The following DENND4A variants were observed in gnomAD, a reference collection of about 807,000 sequenced individuals.
DENND4A encodes DENN domain containing 4A, also known as C-myc promoter-binding protein.
DENND4A carries 70 observed loss-of-function variants against 199.3 expected under a neutral mutation model. That is an observed-to-expected ratio of 0.35 (90% CI 0.29 to 0.43). The LOEUF is 0.43. Ranked by LOEUF, DENND4A falls within the 20% of genes least tolerant of loss-of-function variation. DENND4A has a pLI of 1.00. For missense variants in DENND4A, 1,723 were observed against 2,255.8 expected, an observed-to-expected ratio of 0.76 and a Z score of 4.78; for synonymous variants, 686 against 766.9, an observed-to-expected ratio of 0.89 and a Z score of 1.74.
intron 1 of DENND4A, among the ~76,000 whole-genome samples, chr15:65,779,553 A>G (rs530674891): frequency 2.6e-5 from 4 of 152,208 alleles, no homozygotes; most frequent in African/African-American, 9.6e-5. Context: ...TGTGTGGCAC[A>G]ATCATAGCTC....
chr15:65,665,961 T>G (rs559402501), intron 29 of DENND4A, among the ~76,000 whole-genome samples: 73 of 152,282 alleles, frequency 4.8e-4, no homozygotes, highest in Non-Finnish European at 1.5e-4. Flanking sequence ...AAAGACACTT[T>G]TATAAAACAA....
At chr15:65,771,692 CCAAAAAATATATTAAA>C in intron 1 of DENND4A, 1 of 1,610,614 alleles carries the variant, frequency 6.2e-7, no homozygotes, top group Middle Eastern at 1.6e-4. Flanking sequence ...AAATCCACCC[CCAAAAAATATATTAAA>C]CAAGTCTTCT....
chr15:65,680,892 G>C (rs897864153), intron 23 of DENND4A: 3 of 152,206 alleles, frequency 2.0e-5, no homozygotes, highest in African/African-American at 7.2e-5. Context: ...ACAATTATGT[G>C]AACCTTCAGC....
intron 14 of DENND4A, among the ~76,000 whole-genome samples, chr15:65,706,487 CACACACACAT>C (rs780079544): frequency 0.029 from 2,627 of 92,168 alleles, 60 homozygotes; most frequent in African/African-American, 0.07. Context: ...CACACACACA[CACACACACAT>C]ATATATATAT....
rs201852758 is a variant in DENND4A, at chr15:65,669,867, T to G, written c.4699A>C (p.Ser1567Arg). The G allele has an allele frequency of 2.5e-6, 4 of 1,613,914 alleles. No individual in the cohort carries two copies. In the South Asian group the frequency reaches 3.3e-5, roughly 13 times the overall value. Residue 1567 changes from serine (S) to arginine (R), a missense_variant, in exon 27 of 33, where the codon AGT becomes CGT. Physicochemically the swap from Ser to Arg is moderately radical, Grantham distance 110. Transcript: ENST00000443035. ...ENMHFPSSIS[S>R]QTRQSCISTS... ...GAAATGCAAGACTGCCTCGTCTGAC[T>G]TGAAATGGAGGATGGAAAGTGCATA... is the stretch of plus-strand genomic sequence containing the variant.
At chr15:65,688,042 C>T (rs995762937) in intron 23 of DENND4A, among the ~76,000 whole-genome samples, 12 of 151,920 alleles carry the variant, frequency 7.9e-5, no homozygotes, top group Non-Finnish European at 1.5e-4. Flanking sequence ...TTCATTTGTT[C>T]CTTTTGATAT....
chr15:65,749,554 A>G (rs1156516677), intron 4 of DENND4A, among the ~76,000 whole-genome samples: 1 of 152,080 alleles, frequency 6.6e-6, no homozygotes, highest in Admixed American at 6.6e-5. Context: ...GAGGATAATA[A>G]ATAAATTGTG....
intron 7 of DENND4A, among the ~76,000 whole-genome samples, chr15:65,737,033 C>A (rs2076138401): frequency 6.6e-6 from 1 of 152,156 alleles, no homozygotes; most frequent in African/African-American, 2.4e-5. Flanking sequence ...TCTAATTTCT[C>A]CTTTACATTC....
chr15:65,722,900 T>C lies in DENND4A; in HGVS notation c.1536A>G (p.Pro512=). Residue 512 remains proline, a synonymous_variant, in exon 12 of 33, where the codon CCA becomes CCG. Transcript: ENST00000443035. ...NVAWKILPKK[P]CKNLMNTLNN... ...TCAGTGTGTTCATCAGATTTTTACA[T>C]GGCTTCTTTGGAAGTATCTTCCAGG... The C allele has an allele frequency of 5.0e-6, 8 of 1,610,354 alleles. No homozygotes were observed. Among genetic ancestry groups the C allele is most frequent in the East Asian group, 2.2e-5 (1 of 44,628 alleles).
At position 65,671,295 on chromosome 15, in the gene DENND4A, A is replaced by G. The variant is rs149002063; in HGVS notation, c.4464+497T>C. Among the ~76,000 whole-genome samples the G allele has an allele frequency of 4.3e-4, 66 of 152,380 alleles. No homozygotes were observed. In the East Asian group the frequency reaches 0.012, roughly 28 times the overall value. ...ATAGAAATAAGTTAGTATGACTTCAATAATCTGAAATACTGGATATCCAAA... is the reference window on the plus strand; with the variant it reads ...ATAGAAATAAGTTAGTATGACTTCAGTAATCTGAAATACTGGATATCCAAA... On this transcript the variant is annotated intron_variant, in intron 25 of 32. Transcript: ENST00000443035.
At chr15:65,774,850 C>T (rs28522606) in intron 1 of DENND4A, among the ~76,000 whole-genome samples, 28,705 of 143,810 alleles carry the variant, frequency 0.2, 3,821 homozygotes, top group East Asian at 0.74. Flanking sequence ...GGATACTTAA[C>T]AGTTTTACAA....
At chr15:65,701,956 A>T in intron 17 of DENND4A, 66 bp from the exon 18 acceptor site, 1 of 1,596,514 alleles carries the variant, frequency 6.3e-7, no homozygotes. Flanking sequence ...CTAGAATAAA[A>T]TAATGCATTT....
intron 1 of DENND4A, among the ~76,000 whole-genome samples, chr15:65,779,462 A>G (rs74643099): frequency 0.11 from 16,772 of 151,006 alleles, 1,442 homozygotes; most frequent in African/African-American, 0.24. Context: ...AAAAAAAAAA[A>G]AGAGAAGGAA....
intron 10 of DENND4A, 104 bp downstream of exon 10, chr15:65,729,430 T>C: frequency 1.4e-6 from 2 of 1,458,724 alleles, no homozygotes; most frequent in South Asian, 1.3e-5. Flanking sequence ...CACAAATTCA[T>C]TACTCTCTGA....
At chr15:65,787,910 T>TG (rs1204527549) in intron 1 of DENND4A, among the ~76,000 whole-genome samples, 1 of 151,996 alleles carries the variant, frequency 6.6e-6, no homozygotes, top group African/African-American at 2.4e-5. Context: ...TACTGACTGA[T>TG]GAAGTAATGG....
chr15:65,700,810 C>G (rs1238784737), intron 19 of DENND4A, 135 bp from the exon 20 acceptor site: 25 of 1,006,660 alleles, frequency 2.5e-5, no homozygotes, highest in Non-Finnish European at 3.4e-5. Context: ...ACAACTATAA[C>G]AAAGAAACCT....
In DENND4A at chr15:65,761,394, A is replaced by C. The variant is rs2076845224; in HGVS notation, c.-57T>G. 1 of 152,244 alleles carries C rather than the reference A, an allele frequency of 6.6e-6. No homozygotes were observed. The highest frequency in any genetic ancestry group is 2.4e-5 in the African/African-American group (1 of 41,462). 9.4% of individuals were successfully genotyped at this position (152,244 alleles called of 1,614,324 possible). On this transcript the variant is annotated 5_prime_UTR_variant, in exon 2 of 33. Transcript: ENST00000443035. Reference sequence around the variant, plus strand: ...AAAGTTTCTCTCTGAAAAAGATGACAGATTTCAATGTGTGAACTCCGCAGC... The same window carrying C: ...AAAGTTTCTCTCTGAAAAAGATGACCGATTTCAATGTGTGAACTCCGCAGC...
At position 65,706,138 on chromosome 15, in the gene DENND4A, A is replaced by G. The variant is rs374884214; in HGVS notation, c.2040T>C (p.Pro680=). 471 of 1,608,260 alleles carry G rather than the reference A, an allele frequency of 2.9e-4. 1 individual carries two copies. Among genetic ancestry groups the G allele is most frequent in the Non-Finnish European group, 2.3e-4 (273 of 1,177,352 alleles). ...KSEHTVFVTP[P]EIPHLPNGEE... ...CACCATTGGGTAGGTGGGGGATCTC[A>G]GGTGGTGTTACAAAAACAGTGTGTT... Residue 680 remains proline (P), a synonymous_variant, in exon 15 of 33, where the codon CCT becomes CCC. Coordinates refer to ENST00000443035, the MANE Select transcript of DENND4A (RefSeq NM_001320835.1).
intron 4 of DENND4A, among the ~76,000 whole-genome samples, chr15:65,749,342 T>C (rs1043139240): frequency 6.6e-6 from 1 of 152,224 alleles, no homozygotes; most frequent in Non-Finnish European, 1.5e-5. Flanking sequence ...TCAAATTTTC[T>C]TCTTTGTAAA....
Sources: allele counts gnomAD v4.1 joint callset (sites outside exome capture counted in the v4.1 genomes callset), GRCh38; gene constraint gnomAD v4.1.1; transcripts MANE v1.5; gene names NCBI Gene and HGNC (gene_info 2026-07-23, HGNC 2026-07-21).